Variants in GMDS observed in about 807,000 individuals in gnomAD.
GMDS encodes GDP-mannose 4,6-dehydratase.
GMDS carries 20 observed loss-of-function variants against 49.9 expected under a neutral mutation model. That is an observed-to-expected ratio of 0.40 (90% CI 0.28 to 0.58). The LOEUF (loss-of-function observed/expected upper bound fraction) is 0.58, where lower values mean the gene tolerates loss of function less well. Among genes scored for constraint, GMDS ranks in the 20% least tolerant of loss-of-function variants. The pLI is 0.42. For missense variants in GMDS, 362 were observed against 481.4 expected (o/e 0.75, Z 2.32); for synonymous variants, 177 against 178.6 (o/e 0.99, Z 0.07).
intron 7 of GMDS, among the ~76,000 whole-genome samples, chr6:1,794,806 T>G (rs1266446594): frequency 6.6e-6 from 1 of 152,160 alleles, no homozygotes; most frequent in Non-Finnish European, 1.5e-5. Context: ...AGGAGACAGA[T>G]GGTCCATTCT....
intron 7 of GMDS, among the ~76,000 whole-genome samples, chr6:1,913,329 C>G (rs372670954): frequency 3.4e-5 from 5 of 148,078 alleles, no homozygotes; most frequent in African/African-American, 1.3e-4. Flanking sequence ...TGCAGTGAGC[C>G]GAGATCCTGC....
chr6:1,978,562 C>T (rs1316739770), intron 4 of GMDS, among the ~76,000 whole-genome samples: 1 of 152,156 alleles, frequency 6.6e-6, no homozygotes, highest in Non-Finnish European at 1.5e-5. Flanking sequence ...CTGGGGCCTC[C>T]AGCCACCCCC....
intron 7 of GMDS, among the ~76,000 whole-genome samples, chr6:1,842,990 C>A (rs1187202969): frequency 6.6e-6 from 1 of 151,832 alleles, no homozygotes; most frequent in Non-Finnish European, 1.5e-5. Flanking sequence ...ACCTGTAGTC[C>A]CGGCTACTTA....
intron 7 of GMDS, among the ~76,000 whole-genome samples, chr6:1,860,536 T>C (rs1758134356): frequency 1.3e-5 from 2 of 152,174 alleles, no homozygotes; most frequent in South Asian, 2.1e-4. Flanking sequence ...TATATCTTGA[T>C]GATGGTGGTA....
intron 4 of GMDS, among the ~76,000 whole-genome samples, chr6:1,992,515 G>T (rs1349289920): frequency 6.6e-6 from 1 of 152,146 alleles, no homozygotes; most frequent in Non-Finnish European, 1.5e-5. Context: ...GGGCTTTGCA[G>T]CACCTGTTCC....
chr6:2,064,658 G>A (rs1221435084), intron 4 of GMDS, among the ~76,000 whole-genome samples: 2 of 152,170 alleles, frequency 1.3e-5, no homozygotes, highest in African/African-American at 4.8e-5. Context: ...CAGCCCTGTT[G>A]CTGACAGTTA....
chr6:1,984,993 A>AC (rs1765457768), intron 4 of GMDS, among the ~76,000 whole-genome samples: 1 of 152,242 alleles, frequency 6.6e-6, no homozygotes, highest in South Asian at 2.1e-4. Flanking sequence ...TAACAGGGTA[A>AC]CAGCTAAAAG....
At chr6:1,885,369 T>C (rs1759552717) in intron 7 of GMDS, among the ~76,000 whole-genome samples, 1 of 152,192 alleles carries the variant, frequency 6.6e-6, no homozygotes, top group Non-Finnish European at 1.5e-5. Context: ...CTTGTTTATC[T>C]TTATCATATA....
chr6:1,661,410 A>G (rs1183814058), intron 9 of GMDS, among the ~76,000 whole-genome samples: 1 of 152,212 alleles, frequency 6.6e-6, no homozygotes, highest in Non-Finnish European at 1.5e-5. Context: ...AACATTAATT[A>G]ATTAATATAG....
chr6:1,969,478 A>G (rs951249499), intron 4 of GMDS, among the ~76,000 whole-genome samples: 2 of 152,158 alleles, frequency 1.3e-5, no homozygotes, highest in Non-Finnish European at 2.9e-5. Context: ...TTAATGAGTA[A>G]GGCTGAACAC....
Position 1,983,421 on chromosome 6 carries a change from C to T in GMDS, c.346-22455G>A, listed in dbSNP as rs770569060. ...AAGAGCTTCTGTACAGCAAAAGAAACGATCAACAGAGTAAACAGACAACCT... is the reference window on the plus strand; with the variant it reads ...AAGAGCTTCTGTACAGCAAAAGAAATGATCAACAGAGTAAACAGACAACCT... On this transcript the variant is annotated intron_variant, in intron 4 of 10. Coordinates refer to ENST00000380815, the MANE Select transcript of GMDS (RefSeq NM_001500.4). 8.5e-5 allele frequency among the ~76,000 whole-genome samples: 13 copies of T among 152,126 alleles called. 1 individual carries two copies. The highest frequency in any genetic ancestry group is 3.9e-4 in the East Asian group (2 of 5,188).
chr6:2,015,042 A>G (rs1048228977), intron 4 of GMDS, among the ~76,000 whole-genome samples: 1 of 152,162 alleles, frequency 6.6e-6, no homozygotes, highest in African/African-American at 2.4e-5. Flanking sequence ...CACCCTACAA[A>G]AGAACAACAA....
chr6:1,990,814 G>A (rs1191965995), intron 4 of GMDS, among the ~76,000 whole-genome samples: 3 of 151,624 alleles, frequency 2.0e-5, no homozygotes, highest in Non-Finnish European at 4.4e-5. Flanking sequence ...GAACTCCTGG[G>A]TTCAAGTGAT....
intron 7 of GMDS, among the ~76,000 whole-genome samples, chr6:1,829,307 G>A (rs1174015591): frequency 6.6e-6 from 1 of 152,228 alleles, no homozygotes; most frequent in Non-Finnish European, 1.5e-5. Context: ...GTGTATCTAT[G>A]TATGTGAACG....
At chr6:2,103,274 TTAAG>T (rs974913158) in intron 4 of GMDS, among the ~76,000 whole-genome samples, 6 of 152,154 alleles carry the variant, frequency 3.9e-5, no homozygotes, top group African/African-American at 1.4e-4. Context: ...ATAAATTATA[TTAAG>T]TGTTATTTTT....
At position 1,624,558 on chromosome 6, in the gene GMDS, G is replaced by T; in HGVS notation, c.988-18C>A. On this transcript the variant is annotated intron_variant, in intron 9 of 10. Coordinates refer to ENST00000380815, the MANE Select transcript of GMDS (RefSeq NM_001500.4). ...AGAAAGTCCTAGGGAAGAAGAGGGG[G>T]AGACGAAGCAGGCGTGGGTCGTGGG... The T allele has an allele frequency of 6.3e-7, 1 of 1,599,594 alleles. No individual in the cohort carries two copies. Among genetic ancestry groups the T allele is most frequent in the Non-Finnish European group, 8.6e-7 (1 of 1,167,376 alleles).
intron 1 of GMDS, among the ~76,000 whole-genome samples, chr6:2,131,702 G>C (rs1337599171): frequency 6.6e-6 from 1 of 152,074 alleles, no homozygotes; most frequent in Non-Finnish European, 1.5e-5. Flanking sequence ...GTGTGTGCTA[G>C]GTGGTACATA....
intron 7 of GMDS, among the ~76,000 whole-genome samples, chr6:1,844,181 T>C (rs1486281872): frequency 3.3e-5 from 5 of 152,192 alleles, no homozygotes. Context: ...CCACAATTGG[T>C]TGAATAGCAG....
intron 1 of GMDS, among the ~76,000 whole-genome samples, chr6:2,136,753 G>A (rs1019612752): frequency 4.0e-5 from 6 of 151,846 alleles, no homozygotes; most frequent in African/African-American, 1.5e-4. Flanking sequence ...TTATTTTAAA[G>A]TAAACTGGGC....
Sources: allele counts gnomAD v4.1 joint callset (sites outside exome capture counted in the v4.1 genomes callset), GRCh38; gene constraint gnomAD v4.1.1; transcripts MANE v1.5; gene names NCBI Gene and HGNC (gene_info 2026-07-23, HGNC 2026-07-21).